Variants in RGSL1 observed in about 807,000 individuals in gnomAD.
RGSL1 encodes the protein regulator of G protein signaling protein-like.
In RGSL1, 97 loss-of-function variants were observed where a neutral mutation model predicts 124.7. The ratio of observed to expected loss-of-function variants is 0.78; its 90% CI spans 0.66 to 0.92. The LOEUF is 0.92. Ranked by LOEUF, RGSL1 falls within the 40% of genes least tolerant of loss-of-function variation. The pLI is 0.00. For synonymous variants in RGSL1, 424 were observed against 438.1 expected, an observed-to-expected ratio of 0.97 and a Z score of 0.40; for missense variants, 1,233 against 1,288.4, an observed-to-expected ratio of 0.96 and a Z score of 0.66.
intron 4 of RGSL1, among the ~76,000 whole-genome samples, chr1:182,470,255 C>T (rs776226903): frequency 2.6e-5 from 4 of 152,114 alleles, no homozygotes; most frequent in Non-Finnish European, 5.9e-5. Flanking sequence ...CACTGCTTCT[C>T]AACACCCCCA....
At chr1:182,493,969 C>A (rs1021903331) in intron 9 of RGSL1, among the ~76,000 whole-genome samples, 2 of 152,188 alleles carry the variant, frequency 1.3e-5, no homozygotes, top group African/African-American at 4.8e-5. Flanking sequence ...GCTCACATTA[C>A]TCTACCTTAT....
rs1384173670 is a variant in RGSL1 at position 182,473,933 on chromosome 1, T to C, written c.822T>C (p.Ala274=). The C allele has an allele frequency of 6.4e-7, 1 of 1,552,046 alleles. No individual in the cohort carries two copies. Among genetic ancestry groups the C allele is most frequent in the Non-Finnish European group, 8.7e-7 (1 of 1,147,070 alleles). Residue 274 remains alanine, a synonymous_variant, in exon 6 of 22, where the codon GCT becomes GCC. Transcript: ENST00000294854. ...TGGAAATGGATCTCAAGCCAGATGC[T>C]ATTGGTATGCCCCTACAGGAGACAT... ...WSLEMDLKPD[A]IGMPLQETCP...
chr1:182,548,120 A>C (rs988266670), intron 15 of RGSL1, among the ~76,000 whole-genome samples, 197 bp from the exon 16 acceptor site: 30 of 152,206 alleles, frequency 2.0e-4, no homozygotes, highest in African/African-American at 6.8e-4. Flanking sequence ...TTGAAGGGGC[A>C]CTTAACATGT....
chr1:182,524,034 C>T (rs1658552317), intron 10 of RGSL1, among the ~76,000 whole-genome samples: 2 of 152,136 alleles, frequency 1.3e-5, no homozygotes, highest in Admixed American at 6.5e-5. Flanking sequence ...GCTATAAACT[C>T]ATGAATATAA....
chr1:182,465,943 T>C (rs1213450286), intron 4 of RGSL1, among the ~76,000 whole-genome samples: 2 of 152,016 alleles, frequency 1.3e-5, no homozygotes, highest in Admixed American at 1.3e-4. Flanking sequence ...CATTCAACAG[T>C]ATATTAAAAG....
chr1:182,461,026 G>A lies in RGSL1; in HGVS notation c.301+893G>A, dbSNP rs112551089. On this transcript the variant is annotated intron_variant, in intron 4 of 21. Transcript: ENST00000294854. ...TGATCACAGAAGTACAGGCAAAGAC[G>A]TGGGCACACATTGTTATACTTTCCC... Among the ~76,000 whole-genome samples the A allele has an allele frequency of 9.8e-4, 149 of 152,280 alleles. 1 individual carries two copies. Among genetic ancestry groups the A allele is most frequent in the Non-Finnish European group, 1.8e-3 (124 of 68,006 alleles).
At chr1:182,530,528 C>T (rs1170041769) in intron 12 of RGSL1, among the ~76,000 whole-genome samples, 167 bp downstream of exon 12, 1 of 100,002 alleles carries the variant, frequency 1.0e-5, no homozygotes, top group Non-Finnish European at 2.1e-5. Flanking sequence ...ATCTATCTGA[C>T]ACACACACAT....
Position 182,540,320 on chromosome 1 carries a change from G to T in RGSL1, c.2568G>T (p.Glu856Asp). The change falls in exon 15 of 22, where the codon GAG becomes GAT. Residue 856 changes from glutamate to aspartate, a missense_variant. By Grantham distance (45) the Glu-to-Asp change is conservative. Coordinates refer to ENST00000294854, the MANE Select transcript of RGSL1 (RefSeq NM_001137669.2). Reference protein sequence around the residue: ...PSTNVRSADQENGEITLVKRR... With the variant: ...PSTNVRSADQDNGEITLVKRR... ...CAAATGTCCGGAGTGCAGACCAAGA[G>T]AATGGAGAAATAACCCTTGTAAAGC... is the stretch of plus-strand genomic sequence containing the variant. 1 of 1,551,554 alleles carries T rather than the reference G, an allele frequency of 6.4e-7. No individual in the cohort carries two copies. The highest frequency in any genetic ancestry group is 8.7e-7 in the Non-Finnish European group (1 of 1,146,824).
chr1:182,522,199 G>A, intron 10 of RGSL1, 90 bp downstream of exon 10: 1 of 897,630 alleles, frequency 1.1e-6, no homozygotes. Flanking sequence ...ATCTTTCTAT[G>A]TGTAGGTTTT....
At chr1:182,547,153 C>T (rs775899363) in intron 15 of RGSL1, among the ~76,000 whole-genome samples, 13 of 152,200 alleles carry the variant, frequency 8.5e-5, no homozygotes, top group East Asian at 7.7e-4. Flanking sequence ...ACAACTATGA[C>T]GTGCTCTCTA....
At chr1:182,496,193 G>GCTA (rs1479450923) in intron 9 of RGSL1, among the ~76,000 whole-genome samples, 2 of 152,074 alleles carry the variant, frequency 1.3e-5, no homozygotes, top group Non-Finnish European at 2.9e-5. Context: ...ACGGGGAGGT[G>GCTA]CTACACACTT....
intron 4 of RGSL1, chr1:182,460,518 C>T (rs938858627): frequency 9.3e-5 from 36 of 385,204 alleles, no homozygotes; most frequent in Admixed American, 2.7e-4. Context: ...GATTTCACCA[C>T]CTTCATTACT....
At chr1:182,448,679 T>C (rs1651618983), upstream of RGSL1, among the ~76,000 whole-genome samples, 1 of 152,158 alleles carries the variant, frequency 6.6e-6, no homozygotes, top group Non-Finnish European at 1.5e-5. Flanking sequence ...AAGGTAATTC[T>C]TATTACCACA....
At chr1:182,494,496 T>G (rs1208109065) in intron 9 of RGSL1, among the ~76,000 whole-genome samples, 6 of 152,182 alleles carry the variant, frequency 3.9e-5, no homozygotes, top group Admixed American at 2.6e-4. Flanking sequence ...CTTTTTAGCT[T>G]TTTCAATGTG....
chr1:182,524,328 A>G (rs1385856891), intron 10 of RGSL1, among the ~76,000 whole-genome samples: 1 of 152,196 alleles, frequency 6.6e-6, no homozygotes, highest in Non-Finnish European at 1.5e-5. Context: ...TTGAAGGCAG[A>G]GATAATATAG....
At chr1:182,491,097 A>G (rs1655492698) in intron 8 of RGSL1, among the ~76,000 whole-genome samples, 1 of 151,088 alleles carries the variant, frequency 6.6e-6, no homozygotes, top group Non-Finnish European at 1.5e-5. Context: ...CATGTTGCCC[A>G]GGCTAGGCTT....
chr1:182,497,517 A>T (rs1483788580), intron 9 of RGSL1, among the ~76,000 whole-genome samples: 2 of 152,056 alleles, frequency 1.3e-5, no homozygotes, highest in Non-Finnish European at 2.9e-5. Flanking sequence ...ACTTGACAGT[A>T]GCTGTCAACC....
At chr1:182,450,990 T>C (rs1453379794) in intron 1 of RGSL1, among the ~76,000 whole-genome samples, 3 of 151,738 alleles carry the variant, frequency 2.0e-5, no homozygotes, top group Non-Finnish European at 2.9e-5. Context: ...CTACTGAAAA[T>C]ACAGAAATTA....
intron 9 of RGSL1, among the ~76,000 whole-genome samples, chr1:182,501,923 CCATT>C (rs1389381547): frequency 5.9e-5 from 9 of 152,094 alleles, no homozygotes; most frequent in African/African-American, 9.7e-5. Flanking sequence ...GTTCAATCTC[CCATT>C]CAAACTGTTA....
Sources: gnomAD v4.1 joint callset for allele counts (sites outside exome capture counted in the v4.1 genomes callset) on GRCh38, gnomAD v4.1.1 for gene constraint, MANE v1.5 for transcripts, NCBI Gene and HGNC (gene_info 2026-07-23, HGNC 2026-07-21) for gene names.